The following ZBTB46 variants were observed in gnomAD, a reference collection of about 807,000 sequenced individuals.
The protein encoded by ZBTB46 is zinc finger and BTB domain-containing protein 46.
Under a neutral mutation model 44.1 loss-of-function variants are expected in ZBTB46, and 8 were observed. The observed-to-expected ratio is 0.18, with a 90% confidence interval of 0.11 to 0.33. The LOEUF (loss-of-function observed/expected upper bound fraction) is 0.33. Ranked by LOEUF, ZBTB46 falls within the 10% of genes least tolerant of loss-of-function variation. The pLI, the probability that ZBTB46 is intolerant of heterozygous loss-of-function variation, is 1.00. For missense variants in ZBTB46, 651 were observed against 847.7 expected, an observed-to-expected ratio of 0.77 and a Z score of 2.88; for synonymous variants, 409 against 382.3, an observed-to-expected ratio of 1.07 and a Z score of -0.81.
At chr20:63,751,204 C>T (rs1407377079) in intron 4 of ZBTB46, among the ~76,000 whole-genome samples, 2 of 151,008 alleles carry the variant, frequency 1.3e-5, no homozygotes, top group Admixed American at 6.6e-5. Flanking sequence ...GCACATCCTC[C>T]GCTACGGAAA....
intron 2 of ZBTB46, among the ~76,000 whole-genome samples, chr20:63,778,404 AT>A (rs2092441954): frequency 6.6e-6 from 1 of 152,218 alleles, no homozygotes; most frequent in Admixed American, 6.5e-5. Context: ...CAGCAAGAGA[AT>A]GGATTTTCCA....
chr20:63,785,430 G>A lies in ZBTB46; in HGVS notation c.937+4391C>T, dbSNP rs182142889. Among the ~76,000 whole-genome samples, 18 of 151,792 alleles carry A rather than the reference G, an allele frequency of 1.2e-4. 1 individual carries two copies. Among genetic ancestry groups the A allele is most frequent in the Non-Finnish European group, 1.9e-4 (13 of 67,946 alleles). ...ACAGAAATTAGCCGGGCGTGGTCAC[G>A]GGAGCCTGTAATCCCAGCTACTCGG... is the stretch of plus-strand genomic sequence containing the variant. On this transcript the variant is annotated intron_variant, in intron 2 of 4. Transcript: ENST00000245663.
At chr20:63,805,343 C>T (rs371513651) in intron 1 of ZBTB46, among the ~76,000 whole-genome samples, 4 of 152,176 alleles carry the variant, frequency 2.6e-5, no homozygotes, top group African/African-American at 7.2e-5. Context: ...CACCTCTAAT[C>T]GCAGCACGTT....
At chr20:63,809,375 A>G (rs998349910) in intron 1 of ZBTB46, among the ~76,000 whole-genome samples, 12 of 152,126 alleles carry the variant, frequency 7.9e-5, no homozygotes, top group African/African-American at 2.7e-4. Flanking sequence ...GTGTCCCCCC[A>G]TATTATGCCC....
At position 63,803,624 on chromosome 20, in the gene ZBTB46, T is replaced by C. The variant is rs1601507503; in HGVS notation, c.-33-12834A>G. 18 of 656,406 alleles carry C rather than the reference T, an allele frequency of 2.7e-5. No homozygotes were observed. Among genetic ancestry groups the C allele is most frequent in the Non-Finnish European group, 3.4e-5 (18 of 532,080 alleles). 40.7% of individuals were successfully genotyped at this position (656,406 alleles called of 1,614,324 possible). On this transcript the variant is annotated intron_variant, in intron 1 of 4. Transcript: ENST00000245663. The surrounding 1 kb of genome is among the most constrained non-coding windows in gnomAD (Gnocchi z 4.0). ...GCCAGCCCCGCCCCTCCCTGCCCAC[T>C]GGCCCCTTTCAGTTCCTTCATCTCC...
In ZBTB46 at chr20:63,790,236, T is replaced by C. The variant is rs1437430466; in HGVS notation, c.522A>G (p.Arg174=). The C allele has an allele frequency of 1.2e-6, 2 of 1,611,226 alleles. No homozygotes were observed. The highest frequency in any genetic ancestry group is 1.7e-6 in the Non-Finnish European group (2 of 1,178,942). The change falls in exon 2 of 5, where the codon CGA becomes CGG. Residue 174 remains arginine, a synonymous_variant. Transcript: ENST00000245663. ...CTCCGGAAGAATTGGCAGGACTCGT[T>C]CGCCGTGCCAGCCACGGGGAGATGC... The part of the protein sequence containing the change: ...GRSISPWLAR[R]TSPANSSGDS...
At chr20:63,818,859 G>GA (rs2092775084) in intron 1 of ZBTB46, among the ~76,000 whole-genome samples, 1 of 116,594 alleles carries the variant, frequency 8.6e-6, no homozygotes, top group Non-Finnish European at 1.7e-5. Flanking sequence ...GTGAAAGAAC[G>GA]AAACTCCAGC....
In ZBTB46 at chr20:63,789,912, G is replaced by A; in HGVS notation, c.846C>T (p.Ile282=). The part of the protein sequence containing the change: ...NRKNKETVRH[I]TQQVEDDSRA... Reference sequence around the variant, plus strand: ...GGCTGTCATCTTCCACCTGCTGTGTGATGTGCCGGACGGTCTCTTTGTTTT... The same window carrying A: ...GGCTGTCATCTTCCACCTGCTGTGTAATGTGCCGGACGGTCTCTTTGTTTT... Residue 282 remains isoleucine (I), a synonymous_variant, in exon 2 of 5, where the codon ATC becomes ATT. Transcript: ENST00000245663. The A allele has an allele frequency of 1.2e-6, 2 of 1,614,086 alleles. No homozygotes were observed. Among genetic ancestry groups the A allele is most frequent in the Non-Finnish European group, 8.5e-7 (1 of 1,180,046 alleles).
In ZBTB46 at chr20:63,745,898, T is replaced by C. The variant is rs2092084011; in HGVS notation, c.*1032A>G. On this transcript the variant is annotated 3_prime_UTR_variant, in exon 5 of 5. Coordinates refer to ENST00000245663, the MANE Select transcript of ZBTB46 (RefSeq NM_001369741.1). ...GCACAAGCTAAAGGAAAAACAACCCTATATAGTTTCTTCGAGTGAGAAAAA... is the reference window on the plus strand; with the variant it reads ...GCACAAGCTAAAGGAAAAACAACCCCATATAGTTTCTTCGAGTGAGAAAAA... 6.6e-6 allele frequency: 1 copy of C among 152,580 alleles called. No homozygotes were observed. Among genetic ancestry groups the C allele is most frequent in the East Asian group, 1.9e-4 (1 of 5,332 alleles). The allele number at this position is 152,580 out of a possible 1,614,324, so 9.5% of individuals were successfully genotyped here.
At chr20:63,821,094 T>C (rs1056260035) in intron 1 of ZBTB46, among the ~76,000 whole-genome samples, 11 of 151,882 alleles carry the variant, frequency 7.2e-5, no homozygotes, top group Non-Finnish European at 1.3e-4. Context: ...GGTTTCACCA[T>C]GTTGGCCAAG....
chr20:63,747,321 G>T lies in ZBTB46; in HGVS notation c.1399-20C>A. ...GTGGACCTGCAGAGGCAGGGCAGGGGGTGAGCAGGGCCTGGTGGGTTGGGG... is the reference window on the plus strand; with the variant it reads ...GTGGACCTGCAGAGGCAGGGCAGGGTGTGAGCAGGGCCTGGTGGGTTGGGG... On this transcript the variant is annotated intron_variant, in intron 4 of 4. Coordinates refer to ENST00000245663, the MANE Select transcript of ZBTB46 (RefSeq NM_001369741.1). 7.1e-7 allele frequency: 1 copy of T among 1,399,202 alleles called. No individual in the cohort carries two copies. The highest frequency in any genetic ancestry group is 1.5e-5 in the African/African-American group (1 of 65,120). The allele number at this position is 1,399,202 out of a possible 1,614,324, so 86.7% of individuals were successfully genotyped here. A position where few individuals can be genotyped will look rare whatever the true frequency, so the allele number is the denominator to read the frequency against.
chr20:63,782,510 T>C (rs1248023961), intron 2 of ZBTB46, among the ~76,000 whole-genome samples: 1 of 152,114 alleles, frequency 6.6e-6, no homozygotes, highest in Non-Finnish European at 1.5e-5. Context: ...AAACGTGCAT[T>C]GCTCTGACAA....
intron 2 of ZBTB46, 62 bp downstream of exon 2, chr20:63,789,759 C>T (rs2145924112): frequency 8.4e-6 from 13 of 1,545,182 alleles, no homozygotes; most frequent in East Asian, 2.3e-5. Flanking sequence ...CCGCACAGCA[C>T]GCGGCCGTGA....
intron 2 of ZBTB46, among the ~76,000 whole-genome samples, chr20:63,781,616 C>T (rs1219109570): frequency 6.6e-6 from 1 of 152,154 alleles, no homozygotes; most frequent in Non-Finnish European, 1.5e-5. Flanking sequence ...CACGGCCAAA[C>T]CCCGTCTCTA....
At chr20:63,754,874 C>T (rs1033972640) in intron 3 of ZBTB46, among the ~76,000 whole-genome samples, 2 of 151,462 alleles carry the variant, frequency 1.3e-5, no homozygotes, top group African/African-American at 2.4e-5. Context: ...TATGGGATTA[C>T]AGGCGTGAGC....
Position 63,790,701 on chromosome 20 carries a change from C to A in ZBTB46, c.57G>T (p.Arg19=). ...EITSHYRHLL[R]ELNEQRQHGV... ...CGTGCTGCCTCTGCTCGTTGAGCTC[C>A]CGCAGCAGGTGCCGGTAGTGGGACG... Residue 19 remains arginine (R), a synonymous_variant, in exon 2 of 5, where the codon CGG becomes CGT. Transcript: ENST00000245663. 1 of 1,611,476 alleles carries A rather than the reference C, an allele frequency of 6.2e-7. No homozygotes were observed. The highest frequency in any genetic ancestry group is 8.5e-7 in the Non-Finnish European group (1 of 1,179,680).
rs6011114 is a variant in ZBTB46, at chr20:63,793,485, G to A, written c.-33-2695C>T. Among the ~76,000 whole-genome samples, 1,291 of 152,240 alleles carry A rather than the reference G, an allele frequency of 8.5e-3. 14 individuals are homozygous for A. Among genetic ancestry groups the A allele is most frequent in the African/African-American group, 0.029 (1,206 of 41,534 alleles). On this transcript the variant is annotated intron_variant, in intron 1 of 4. Coordinates refer to ENST00000245663, the MANE Select transcript of ZBTB46 (RefSeq NM_001369741.1). The stretch of plus-strand genomic sequence containing the variant: ...GGGTCCACAAGTGACACCTGGCTCC[G>A]GGCCACGTGATGGGAACCGTCAAAA...
At chr20:63,771,145 G>A (rs1028393315) in intron 3 of ZBTB46, among the ~76,000 whole-genome samples, 27 of 152,220 alleles carry the variant, frequency 1.8e-4, no homozygotes, top group Non-Finnish European at 4.0e-4. Context: ...TGCTCTGAGG[G>A]CTGGGTACCG....
chr20:63,747,361 TGAGCAGGGCCTGG>T, intron 4 of ZBTB46, 60 bp from the exon 5 acceptor site: 3 of 571,522 alleles, frequency 5.2e-6, no homozygotes, highest in African/African-American at 1.2e-4. Context: ...GGGCAGGGGG[TGAGCAGGGCCTGG>T]TGGAGGTGGG....
Sources: gnomAD v4.1 joint callset for allele counts (sites outside exome capture counted in the v4.1 genomes callset) on GRCh38, gnomAD v4.1.1 for gene constraint, Gnocchi (gnomAD v3.1) non-coding constraint, MANE v1.5 for transcripts, NCBI Gene and HGNC (gene_info 2026-07-23, HGNC 2026-07-21) for gene names.